The following SPOCK1 variants were observed in gnomAD, a reference collection of about 807,000 sequenced individuals.
The protein encoded by SPOCK1 is SPARC (osteonectin), cwcv and kazal like domains proteoglycan 1.
A neutral mutation model predicts 55.3 loss-of-function variants in SPOCK1; 23 were observed. The observed-to-expected ratio is 0.42, with a 90% CI of 0.30 to 0.59. The LOEUF is 0.59. Ranked by LOEUF, SPOCK1 falls within the 20% of genes least tolerant of loss-of-function variation. The probability of loss-of-function intolerance (pLI) is 0.22; values close to 1 mark genes in which losing one functional copy is unlikely to be tolerated. For synonymous variants in SPOCK1, 226 were observed against 221.0 expected, an observed-to-expected ratio of 1.02 and a Z score of -0.20; for missense variants, 499 against 552.5, an observed-to-expected ratio of 0.90 and a Z score of 0.97.
intron 2 of SPOCK1, among the ~76,000 whole-genome samples, chr5:137,492,768 G>C (rs903978053): frequency 6.6e-6 from 1 of 152,204 alleles, no homozygotes; most frequent in Non-Finnish European, 1.5e-5. Context: ...TCAGTTGCTT[G>C]GACCATGTCT....
At chr5:137,303,946 C>A (rs570163101) in intron 2 of SPOCK1, among the ~76,000 whole-genome samples, 1 of 152,166 alleles carries the variant, frequency 6.6e-6, no homozygotes, top group African/African-American at 2.4e-5. Flanking sequence ...AAAGCCATCC[C>A]CCTTAGGAGT....
chr5:137,336,379 C>T (rs574304407), intron 2 of SPOCK1, among the ~76,000 whole-genome samples: 5 of 152,196 alleles, frequency 3.3e-5, no homozygotes. Flanking sequence ...CTGTGGGCAG[C>T]ACAGCTGACC....
chr5:137,041,404 T>C (rs905209689), intron 6 of SPOCK1, among the ~76,000 whole-genome samples: 1 of 152,192 alleles, frequency 6.6e-6, no homozygotes, highest in African/African-American at 2.4e-5. Context: ...AAAAAATCTA[T>C]GTGATCTTGA....
Position 137,147,282 on chromosome 5 carries a change from C to T in SPOCK1, c.233-6588G>A, listed in dbSNP as rs149321627. ...AAGAGAAAAGGGAAAAAAGAAACAT[C>T]CTATGACCCAGCAAGTGAACATATT... On this transcript the variant is annotated intron_variant, in intron 3 of 10. Transcript: ENST00000394945. Among the ~76,000 whole-genome samples the T allele has an allele frequency of 6.5e-4, 99 of 152,228 alleles. 2 individuals carry two copies. The East Asian group carries it at 0.016, about 25-fold the overall frequency.
chr5:137,030,336 A>G (rs1413974183), intron 6 of SPOCK1, among the ~76,000 whole-genome samples: 1 of 152,264 alleles, frequency 6.6e-6, no homozygotes, highest in Non-Finnish European at 1.5e-5. Flanking sequence ...GGTCTGATCC[A>G]GGAGGACATA....
intron 2 of SPOCK1, among the ~76,000 whole-genome samples, chr5:137,413,806 A>G (rs1752265341): frequency 6.6e-6 from 1 of 152,162 alleles, no homozygotes; most frequent in African/African-American, 2.4e-5. Context: ...AGAAGTACCA[A>G]ACTGTTCATA....
chr5:137,253,502 C>G (rs1756577164), intron 3 of SPOCK1, among the ~76,000 whole-genome samples: 1 of 152,178 alleles, frequency 6.6e-6, no homozygotes, highest in Non-Finnish European at 1.5e-5. Context: ...AAATTATCAC[C>G]TCTCAACAGT....
chr5:137,370,318 C>T (rs1751171674), intron 2 of SPOCK1, among the ~76,000 whole-genome samples: 1 of 152,284 alleles, frequency 6.6e-6, no homozygotes, highest in South Asian at 2.1e-4. Context: ...AGTCACACGC[C>T]GACCGAGTCC....
chr5:137,330,277 C>T lies in SPOCK1; in HGVS notation c.187-63222G>A, dbSNP rs149542520. On this transcript the variant is annotated intron_variant, in intron 2 of 10. Transcript: ENST00000394945. ...TATAATTGCAATTGTCAGTGGCGAG[C>T]GGCTTTTATGGTGAGGGCTACATAC... is the stretch of plus-strand genomic sequence containing the variant. 1.3e-3 allele frequency among the ~76,000 whole-genome samples: 196 copies of T among 152,288 alleles called. 3 individuals are homozygous for T. The highest frequency in any genetic ancestry group is 4.4e-3 in the African/African-American group (183 of 41,554).
At chr5:137,094,311 C>T (rs1483182264) in intron 5 of SPOCK1, among the ~76,000 whole-genome samples, 3 of 152,174 alleles carry the variant, frequency 2.0e-5, no homozygotes, top group Non-Finnish European at 4.4e-5. Context: ...TCTACATATG[C>T]ACCATGCTAT....
intron 2 of SPOCK1, among the ~76,000 whole-genome samples, chr5:137,438,997 C>A (rs940315964): frequency 2.2e-4 from 34 of 152,342 alleles, no homozygotes; most frequent in Admixed American, 9.8e-4. Flanking sequence ...ACTTTGGAGT[C>A]AGATGCTGGT....
chr5:137,177,336 G>C (rs1754874562), intron 3 of SPOCK1, among the ~76,000 whole-genome samples: 1 of 152,184 alleles, frequency 6.6e-6, no homozygotes, highest in Admixed American at 6.5e-5. Flanking sequence ...GCCATCCCCA[G>C]GTTATCAAAG....
intron 3 of SPOCK1, among the ~76,000 whole-genome samples, chr5:137,248,926 T>C (rs562115976): frequency 2.2e-4 from 33 of 152,370 alleles, no homozygotes; most frequent in African/African-American, 7.9e-4. Context: ...ACATTTCTTA[T>C]GTTATCAAAG....
chr5:137,116,611 A>G (rs1303301574), intron 4 of SPOCK1, among the ~76,000 whole-genome samples: 1 of 151,338 alleles, frequency 6.6e-6, no homozygotes, highest in African/African-American at 2.4e-5. Context: ...ATACCACTGC[A>G]CTCCAGCCTG....
intron 4 of SPOCK1, among the ~76,000 whole-genome samples, chr5:137,126,599 C>T (rs1753785860): frequency 6.6e-6 from 1 of 152,084 alleles, no homozygotes. Context: ...TCCATCTCTA[C>T]TAAAAATACA....
intron 2 of SPOCK1, among the ~76,000 whole-genome samples, chr5:137,475,751 T>G (rs924927745): frequency 1.3e-5 from 2 of 152,018 alleles, no homozygotes; most frequent in Non-Finnish European, 2.9e-5. Flanking sequence ...TAATTTTGTT[T>G]TTTGTAAAGA....
At chr5:137,143,699 A>G (rs1003751244) in intron 3 of SPOCK1, among the ~76,000 whole-genome samples, 1 of 152,214 alleles carries the variant, frequency 6.6e-6, no homozygotes, top group African/African-American at 2.4e-5. Context: ...GTAAATAATC[A>G]GTTTTCATAA....
chr5:137,402,389 G>A (rs1752001066), intron 2 of SPOCK1, among the ~76,000 whole-genome samples: 1 of 152,210 alleles, frequency 6.6e-6, no homozygotes, highest in South Asian at 2.1e-4. Context: ...GCATTTCACA[G>A]ACTTTAATTT....
chr5:137,477,339 G>C (rs926658071), intron 2 of SPOCK1, among the ~76,000 whole-genome samples: 1 of 152,100 alleles, frequency 6.6e-6, no homozygotes, highest in Admixed American at 6.5e-5. Flanking sequence ...AAAAAGTGAG[G>C]CTTTATTTTA....
Sources: gnomAD v4.1 joint callset for allele counts (sites outside exome capture counted in the v4.1 genomes callset) on GRCh38, gnomAD v4.1.1 for gene constraint, MANE v1.5 for transcripts, NCBI Gene and HGNC (gene_info 2026-07-23, HGNC 2026-07-21) for gene names.